SLC4A10: variants seen among roughly 807,000 people sequenced by gnomAD.
SLC4A10 encodes the protein solute carrier family 4 member 10, also known as sodium-driven chloride bicarbonate exchanger.
In SLC4A10, 42 loss-of-function variants were observed where a neutral mutation model predicts 137.7. That is an observed-to-expected ratio of 0.30 (90% CI 0.24 to 0.39). The LOEUF is 0.39. Among genes scored for constraint, SLC4A10 ranks in the 10% least tolerant of loss-of-function variants. The pLI, the probability that SLC4A10 is intolerant of heterozygous loss-of-function variation, is 1.00. For missense variants in SLC4A10, 925 were observed against 1,355.0 expected, an observed-to-expected ratio of 0.68 and a Z score of 4.98; for synonymous variants, 474 against 464.1, an observed-to-expected ratio of 1.02 and a Z score of -0.27.
At chr2:161,728,066 A>G (rs968461302) in intron 1 of SLC4A10, among the ~76,000 whole-genome samples, 13 of 152,218 alleles carry the variant, frequency 8.5e-5, no homozygotes, top group Non-Finnish European at 1.9e-4. Context: ...CAGGAATGAG[A>G]GAGTGAATAT....
At chr2:161,668,423 GAGTGGATT>G (rs908634675) in intron 1 of SLC4A10, among the ~76,000 whole-genome samples, 12 of 151,760 alleles carry the variant, frequency 7.9e-5, no homozygotes, top group African/African-American at 2.4e-4. Flanking sequence ...TAGAGCCAGA[GAGTGGATT>G]ATACAGAGAA....
rs756687919 is a variant in SLC4A10 at position 161,950,873 on chromosome 2, G to A, written c.2541+25G>A. On this transcript the variant is annotated intron_variant, in intron 19 of 26. Transcript: ENST00000446997. ...GGTATATTTTAACATCCATTTTAAT[G>A]TAAATAATTATGACAACTGATATCA... 5.2e-6 allele frequency: 8 copies of A among 1,547,582 alleles called. No individual in the cohort carries two copies. The Admixed American group carries it at 7.8e-5, about 15-fold the overall frequency.
intron 1 of SLC4A10, among the ~76,000 whole-genome samples, chr2:161,748,664 T>C (rs573909738): frequency 3.1e-4 from 47 of 152,234 alleles, no homozygotes; most frequent in African/African-American, 9.9e-4. Context: ...AAATACCATA[T>C]GGTTTTGATT....
intron 4 of SLC4A10, among the ~76,000 whole-genome samples, chr2:161,841,037 T>C (rs868069213): frequency 1.2e-4 from 19 of 152,214 alleles, no homozygotes; most frequent in African/African-American, 4.3e-4. Context: ...TAGCAGGACG[T>C]GCTTAAATAT....
chr2:161,650,239 T>C (rs2036600500), intron 1 of SLC4A10, among the ~76,000 whole-genome samples: 2 of 152,262 alleles, frequency 1.3e-5, no homozygotes, highest in South Asian at 4.1e-4. Flanking sequence ...TGATTCGGAC[T>C]TGTATGATGT....
Position 161,983,276 on chromosome 2 carries a change from A to G in SLC4A10, c.*124A>G, listed in dbSNP as rs1700472657. ...TCTTCAATTTATTTTTTACATATAT[A>G]TGAGAAGAGTGTCACAATTATTAAT... On this transcript the variant is annotated 3_prime_UTR_variant, in exon 27 of 27. Coordinates refer to ENST00000446997, the MANE Select transcript of SLC4A10 (RefSeq NM_001178015.2). The G allele has an allele frequency of 1.3e-6, 2 of 1,516,900 alleles. No homozygotes were observed. The highest frequency in any genetic ancestry group is 1.8e-6 in the Non-Finnish European group (2 of 1,130,914). The allele number at this position is 1,516,900 out of a possible 1,614,324, so 94.0% of individuals were successfully genotyped here.
At position 161,624,715 on chromosome 2, in the gene SLC4A10, G is replaced by A; in HGVS notation, c.48+149G>A. On this transcript the variant is annotated intron_variant, in intron 1 of 26. Transcript: ENST00000446997. ...GGACAGGGGTCTCCTCCCATCTTGGGAGACTGAAATGCATAAAGCAAAGCA... is the reference window on the plus strand; with the variant it reads ...GGACAGGGGTCTCCTCCCATCTTGGAAGACTGAAATGCATAAAGCAAAGCA... The A allele has an allele frequency of 2.8e-6, 3 of 1,069,890 alleles. No individual in the cohort carries two copies. The South Asian group carries it at 4.5e-5, about 16-fold the overall frequency. 66.3% of individuals were successfully genotyped at this position (1,069,890 alleles called of 1,614,324 possible).
At chr2:161,709,503 T>C (rs1257024009) in intron 1 of SLC4A10, among the ~76,000 whole-genome samples, 1 of 151,656 alleles carries the variant, frequency 6.6e-6, no homozygotes. Flanking sequence ...TACTAACGTA[T>C]TGTTCATAGA....
At chr2:161,750,784 T>C (rs1370039318) in intron 1 of SLC4A10, among the ~76,000 whole-genome samples, 1 of 151,788 alleles carries the variant, frequency 6.6e-6, no homozygotes, top group Non-Finnish European at 1.5e-5. Context: ...ATTTTCTGGG[T>C]GTTCTATCTA....
At chr2:161,959,305 A>T (rs1373897751) in intron 21 of SLC4A10, among the ~76,000 whole-genome samples, 2 of 152,236 alleles carry the variant, frequency 1.3e-5, no homozygotes, top group Non-Finnish European at 2.9e-5. Flanking sequence ...TTATTTAAGT[A>T]AGTATTGGTT....
chr2:161,713,233 T>G lies in SLC4A10; in HGVS notation c.49-57740T>G, dbSNP rs569656254. ...AGAATCTTGAATGCTAGACTATGAT[T>G]TCTAAACTGAGAACATTTCTTTGCT... On this transcript the variant is annotated intron_variant, in intron 1 of 26. Coordinates refer to ENST00000446997, the MANE Select transcript of SLC4A10 (RefSeq NM_001178015.2). Among the ~76,000 whole-genome samples the G allele has an allele frequency of 2.0e-5, 3 of 151,884 alleles. No individual in the cohort carries two copies. The South Asian group carries it at 6.2e-4, about 32-fold the overall frequency.
At chr2:161,977,432 G>A in intron 25 of SLC4A10, 1 of 494,884 alleles carries the variant, frequency 2.0e-6, no homozygotes, top group Non-Finnish European at 3.8e-6. Context: ...AGTTGTGGAT[G>A]GTAGTTTTAA....
At chr2:161,840,597 T>C (rs983191249) in intron 4 of SLC4A10, among the ~76,000 whole-genome samples, 11 of 152,218 alleles carry the variant, frequency 7.2e-5, no homozygotes, top group Admixed American at 1.3e-4. Flanking sequence ...CCAAGTGCAA[T>C]GGATATGGCA....
intron 15 of SLC4A10, among the ~76,000 whole-genome samples, chr2:161,935,170 A>T (rs1230037008): frequency 1.3e-5 from 2 of 152,164 alleles, no homozygotes; most frequent in South Asian, 4.1e-4. Flanking sequence ...TGCTCTCAGC[A>T]TCTTTGTCGA....
At chr2:161,886,840 G>T (rs1467446295) in intron 10 of SLC4A10, among the ~76,000 whole-genome samples, 1 of 151,886 alleles carries the variant, frequency 6.6e-6, no homozygotes, top group East Asian at 1.9e-4. Flanking sequence ...TGTGCAGAAC[G>T]TGCAGGCTTG....
At chr2:161,956,593 C>G (rs1316028430) in intron 19 of SLC4A10, among the ~76,000 whole-genome samples, 1 of 152,086 alleles carries the variant, frequency 6.6e-6, no homozygotes, top group Non-Finnish European at 1.5e-5. Context: ...CCTACCTGGT[C>G]CTAGGAGGCA....
intron 1 of SLC4A10, among the ~76,000 whole-genome samples, chr2:161,660,568 C>A (rs1574171840): frequency 9.3e-6 from 1 of 108,048 alleles, no homozygotes; most frequent in South Asian, 2.8e-4. Context: ...TTCTTTCTTT[C>A]TTTCTTTCTT....
At chr2:161,973,464 T>C (rs1355539056) in intron 23 of SLC4A10, among the ~76,000 whole-genome samples, 16 of 152,166 alleles carry the variant, frequency 1.1e-4, no homozygotes, top group Admixed American at 1.0e-3. Context: ...AAGAAATGCA[T>C]GTATAAATAT....
intron 1 of SLC4A10, among the ~76,000 whole-genome samples, chr2:161,726,465 A>G (rs955745502): frequency 2.6e-5 from 4 of 152,182 alleles, no homozygotes; most frequent in Admixed American, 1.3e-4. Context: ...GAGGGAAAAA[A>G]TTGACGAAAT....
Sources: allele counts gnomAD v4.1 joint callset (sites outside exome capture counted in the v4.1 genomes callset), GRCh38; gene constraint gnomAD v4.1.1; transcripts MANE v1.5; gene names NCBI Gene and HGNC (gene_info 2026-07-23, HGNC 2026-07-21).